The following AGBL1 variants were observed in gnomAD, a reference collection of about 807,000 sequenced individuals.
AGBL1 encodes cytosolic carboxypeptidase 4.
A neutral mutation model predicts 118.9 loss-of-function variants in AGBL1; 130 were observed. The observed-to-expected ratio is 1.09, with a 90% CI of 0.95 to 1.26. The LOEUF (loss-of-function observed/expected upper bound fraction) is 1.26, where lower values mean the gene tolerates loss of function less well. Ranked by LOEUF, AGBL1 falls within the 50% of genes most tolerant of loss-of-function variation. The pLI is 0.00. For missense variants in AGBL1, 1,584 were observed against 1,298.1 expected, an observed-to-expected ratio of 1.22 and a Z score of -3.38; for synonymous variants, 555 against 478.9, an observed-to-expected ratio of 1.16 and a Z score of -2.08.
intron 23 of AGBL1, among the ~76,000 whole-genome samples, chr15:86,931,189 T>A (rs1479244817): frequency 6.6e-6 from 1 of 152,238 alleles, no homozygotes; most frequent in Non-Finnish European, 1.5e-5. Context: ...AATCTTTGAA[T>A]CTACTTATGA....
At chr15:86,774,788 A>C (rs2078230075) in intron 22 of AGBL1, among the ~76,000 whole-genome samples, 1 of 152,118 alleles carries the variant, frequency 6.6e-6, no homozygotes, top group African/African-American at 2.4e-5. Context: ...ATATTTCTTG[A>C]ATGAATAGTT....
At chr15:86,153,106 C>T (rs975711838) in intron 3 of AGBL1, among the ~76,000 whole-genome samples, 2 of 152,076 alleles carry the variant, frequency 1.3e-5, no homozygotes, top group African/African-American at 4.8e-5. Context: ...AGTGTGGTGA[C>T]TCCTCAAGGA....
intron 17 of AGBL1, among the ~76,000 whole-genome samples, chr15:86,337,562 T>C (rs1241975562): frequency 2.0e-5 from 3 of 152,194 alleles, no homozygotes; most frequent in East Asian, 1.9e-4. Context: ...TGCAGGGACA[T>C]GGATGAAGCT....
chr15:86,282,286 AAAG>A (rs1363226438), intron 16 of AGBL1, among the ~76,000 whole-genome samples: 2 of 152,192 alleles, frequency 1.3e-5, no homozygotes, highest in African/African-American at 2.4e-5. Context: ...ACTGAGAGGG[AAAG>A]AGAGGCCTTG....
intron 22 of AGBL1, among the ~76,000 whole-genome samples, chr15:86,805,849 T>C (rs1446334415): frequency 2.0e-5 from 3 of 152,188 alleles, no homozygotes; most frequent in African/African-American, 7.2e-5. Flanking sequence ...ACTCGTACTA[T>C]GAATAAGTCC....
At chr15:86,721,020 CA>C (rs561370581) in intron 22 of AGBL1, among the ~76,000 whole-genome samples, 206 of 152,066 alleles carry the variant, frequency 1.4e-3, no homozygotes, top group African/African-American at 4.3e-3. Flanking sequence ...GCTTACCAAT[CA>C]AAAAAAGTCC....
At chr15:87,011,460 G>T (rs1384454707) in intron 24 of AGBL1, among the ~76,000 whole-genome samples, 4 of 152,228 alleles carry the variant, frequency 2.6e-5, no homozygotes, top group Non-Finnish European at 5.9e-5. Flanking sequence ...TGTATACTTA[G>T]GAAGTGAATG....
At chr15:86,324,742 G>A (rs1157206979) in intron 17 of AGBL1, among the ~76,000 whole-genome samples, 4 of 152,178 alleles carry the variant, frequency 2.6e-5, no homozygotes, top group African/African-American at 9.7e-5. Flanking sequence ...AGTCGTAGTG[G>A]TAAATCATTT....
chr15:86,919,055 G>T (rs1292713919), downstream of AGBL1, among the ~76,000 whole-genome samples: 1 of 152,166 alleles, frequency 6.6e-6, no homozygotes, highest in East Asian at 1.9e-4. Flanking sequence ...GGGATACCTT[G>T]CAGACTTACG....
chr15:86,272,780 A>G (rs893514438), intron 15 of AGBL1, among the ~76,000 whole-genome samples: 3 of 152,222 alleles, frequency 2.0e-5, no homozygotes, highest in African/African-American at 7.2e-5. Flanking sequence ...TCCCTGATCT[A>G]TTAGGATATG....
intron 22 of AGBL1, among the ~76,000 whole-genome samples, chr15:86,773,521 G>T (rs886268088): frequency 2.5e-4 from 29 of 115,268 alleles, no homozygotes; most frequent in African/African-American, 8.4e-4. Context: ...CCCCACAACA[G>T]GCCCTGGTGT....
chr15:86,354,828 T>C (rs1018081571), intron 17 of AGBL1, among the ~76,000 whole-genome samples: 4 of 152,192 alleles, frequency 2.6e-5, no homozygotes, highest in African/African-American at 7.2e-5. Context: ...CCCAATGTAA[T>C]TGTACAAGCC....
intron 21 of AGBL1, among the ~76,000 whole-genome samples, chr15:86,668,259 G>GA (rs1257578815): frequency 2.8e-4 from 43 of 152,128 alleles, no homozygotes; most frequent in Admixed American, 2.8e-3. Flanking sequence ...TGAGATATTG[G>GA]AAAACTTCTT....
intron 1 of AGBL1, among the ~76,000 whole-genome samples, chr15:86,092,912 C>G (rs1896127896): frequency 6.6e-6 from 1 of 152,286 alleles, no homozygotes; most frequent in East Asian, 1.9e-4. Context: ...GCCTAATTAT[C>G]TCTTATAGGT....
chr15:86,428,736 A>C (rs147728551), intron 18 of AGBL1, among the ~76,000 whole-genome samples: 43 of 152,358 alleles, frequency 2.8e-4, no homozygotes, highest in African/African-American at 9.9e-4. Flanking sequence ...GAAGGTCATT[A>C]ATTGTACCTT....
At chr15:86,341,860 AC>A (rs112847740) in intron 17 of AGBL1, among the ~76,000 whole-genome samples, 76 of 151,628 alleles carry the variant, frequency 5.0e-4, no homozygotes, top group Admixed American at 1.3e-3. Context: ...TAATAGTAAC[AC>A]TTTTTTTTAA....
chr15:86,507,745 A>T (rs958151007), intron 18 of AGBL1, among the ~76,000 whole-genome samples: 1 of 152,140 alleles, frequency 6.6e-6, no homozygotes, highest in Non-Finnish European at 1.5e-5. Context: ...CCCTTGACAT[A>T]GTCCAGGTAA....
chr15:86,353,279 T>C (rs1488884700), intron 17 of AGBL1, among the ~76,000 whole-genome samples: 1 of 152,172 alleles, frequency 6.6e-6, no homozygotes, highest in African/African-American at 2.4e-5. Context: ...TTCACAAAAC[T>C]CTATTTGCAA....
At chr15:86,167,793 G>A (rs2141739113) in intron 5 of AGBL1, among the ~76,000 whole-genome samples, 1 of 152,318 alleles carries the variant, frequency 6.6e-6, no homozygotes, top group Non-Finnish European at 1.5e-5. Context: ...CTGCTTTTAA[G>A]AGTTTAGGCA....
Sources: allele counts gnomAD v4.1 joint callset (sites outside exome capture counted in the v4.1 genomes callset), GRCh38; gene constraint gnomAD v4.1.1; transcripts MANE v1.5; gene names NCBI Gene and HGNC (gene_info 2026-07-23, HGNC 2026-07-21).